Variants in SNTG1 observed in about 807,000 individuals in gnomAD.
SNTG1 encodes gamma-1-syntrophin.
In SNTG1, 39 loss-of-function variants were observed where a neutral mutation model predicts 74.7. The ratio of observed to expected loss-of-function variants is 0.52; its 90% CI spans 0.40 to 0.68. The LOEUF is 0.68. Among genes scored for constraint, SNTG1 ranks in the 30% least tolerant of loss-of-function variants. The pLI, the probability that SNTG1 is intolerant of heterozygous loss-of-function variation, is 0.00. For missense variants in SNTG1, 685 were observed against 609.5 expected, an observed-to-expected ratio of 1.12 and a Z score of -1.30; for synonymous variants, 254 against 217.1, an observed-to-expected ratio of 1.17 and a Z score of -1.49.
intron 9 of SNTG1, among the ~76,000 whole-genome samples, chr8:50,517,740 C>A (rs1166683090): frequency 4.6e-5 from 7 of 151,548 alleles, no homozygotes. Context: ...AGGATCAATG[C>A]AACAAGAAGA....
chr8:50,796,241 T>C lies in SNTG1; in HGVS notation c.*3412T>C, dbSNP rs1473734546. On this transcript the variant is annotated 3_prime_UTR_variant, in exon 19 of 19. Transcript: ENST00000642720. ...AGAAGCTTTAAAAGCACAAGGATGA[T>C]CTTGTGCTTAACTTTTTAAGGTAAG... is the stretch of plus-strand genomic sequence containing the variant. The C allele has an allele frequency of 9.9e-5, 15 of 152,062 alleles. No individual in the cohort carries two copies. Among genetic ancestry groups the C allele is most frequent in the Admixed American group, 9.8e-4 (15 of 15,258 alleles). The allele number at this position is 152,062 out of a possible 1,614,324, so 9.4% of individuals were successfully genotyped here. A position where few individuals can be genotyped will look rare whatever the true frequency, so the allele number is the denominator to read the frequency against.
chr8:49,919,946 T>G (rs1210025617), intron 1 of SNTG1, among the ~76,000 whole-genome samples: 1 of 152,100 alleles, frequency 6.6e-6, no homozygotes, highest in Non-Finnish European at 1.5e-5. Context: ...AGTAATACAA[T>G]AGCGCACACT....
intron 13 of SNTG1, among the ~76,000 whole-genome samples, chr8:50,655,804 C>G (rs2095176632): frequency 1.3e-5 from 2 of 152,106 alleles, no homozygotes; most frequent in African/African-American, 2.4e-5. Context: ...CAAACCATCC[C>G]CTTACTAGCT....
intron 1 of SNTG1, among the ~76,000 whole-genome samples, chr8:50,056,410 ATTTCT>A (rs1820027540): frequency 6.6e-6 from 1 of 152,092 alleles, no homozygotes; most frequent in South Asian, 2.1e-4. Context: ...CTATGGAAAC[ATTTCT>A]TTTATTTTTT....
chr8:50,674,689 T>A (rs1454099841), intron 15 of SNTG1, among the ~76,000 whole-genome samples: 1 of 152,144 alleles, frequency 6.6e-6, no homozygotes, highest in African/African-American at 2.4e-5. Flanking sequence ...ACCTGAGTTA[T>A]TTCTTGTCTT....
intron 11 of SNTG1, among the ~76,000 whole-genome samples, chr8:50,543,128 C>T (rs1318063855): frequency 6.6e-6 from 1 of 152,078 alleles, no homozygotes; most frequent in African/African-American, 2.4e-5. Flanking sequence ...GTGCTTTTGA[C>T]GTCTTACAGA....
intron 12 of SNTG1, among the ~76,000 whole-genome samples, chr8:50,585,694 T>G (rs1264084633): frequency 6.6e-6 from 1 of 152,188 alleles, no homozygotes; most frequent in East Asian, 1.9e-4. Flanking sequence ...ATTTATTTTT[T>G]AATATTTGAC....
chr8:50,532,338 C>T (rs192502832), intron 10 of SNTG1, among the ~76,000 whole-genome samples: 1 of 152,318 alleles, frequency 6.6e-6, no homozygotes, highest in East Asian at 1.9e-4. Context: ...AAATACCCCT[C>T]TAGCTATTTT....
chr8:50,547,443 C>T (rs943997807), intron 11 of SNTG1, among the ~76,000 whole-genome samples: 3 of 152,114 alleles, frequency 2.0e-5, no homozygotes, highest in African/African-American at 7.2e-5. Context: ...ATATATGAAT[C>T]TCTTTGGAAA....
chr8:50,211,679 G>T (rs1253662915), intron 2 of SNTG1, among the ~76,000 whole-genome samples: 1 of 151,988 alleles, frequency 6.6e-6, no homozygotes, highest in Non-Finnish European at 1.5e-5. Context: ...AAGATTCCAC[G>T]TCTTATTTTT....
At chr8:49,944,781 T>C (rs1344654433) in intron 1 of SNTG1, among the ~76,000 whole-genome samples, 1 of 146,932 alleles carries the variant, frequency 6.8e-6, no homozygotes, top group East Asian at 2.0e-4. Flanking sequence ...AATGAATTCA[T>C]CACCTGCAAG....
At chr8:50,532,393 G>A (rs2094275934) in intron 10 of SNTG1, among the ~76,000 whole-genome samples, 1 of 152,132 alleles carries the variant, frequency 6.6e-6, no homozygotes, top group South Asian at 2.1e-4. Context: ...AAAAAATTAA[G>A]ATCCAGATCT....
At chr8:50,030,707 G>T (rs966461933) in intron 1 of SNTG1, among the ~76,000 whole-genome samples, 2 of 151,684 alleles carry the variant, frequency 1.3e-5, no homozygotes, top group African/African-American at 4.8e-5. Context: ...TTGATCTATT[G>T]TCAATGCCTC....
intron 13 of SNTG1, among the ~76,000 whole-genome samples, chr8:50,634,583 A>AT (rs1473369416): frequency 3.3e-5 from 5 of 152,202 alleles, no homozygotes; most frequent in Admixed American, 6.5e-5. Flanking sequence ...CAGTGGCATC[A>AT]TTTTTCAAAA....
At position 50,285,418 on chromosome 8, in the gene SNTG1, C is replaced by T. The variant is rs149416037; in HGVS notation, c.-27-108794C>T. Among the ~76,000 whole-genome samples the T allele has an allele frequency of 2.0e-5, 3 of 152,176 alleles. No homozygotes were observed. In the East Asian group the frequency reaches 5.8e-4, roughly 29 times the overall value. On this transcript the variant is annotated intron_variant, in intron 2 of 18. Coordinates refer to ENST00000642720, the MANE Select transcript of SNTG1 (RefSeq NM_018967.5). Reference sequence around the variant, plus strand: ...CCATGATCATGCAACTGCACTCCAGCCTGTGAGACAGAGTGAGACACGGTC... The same window carrying T: ...CCATGATCATGCAACTGCACTCCAGTCTGTGAGACAGAGTGAGACACGGTC...
At chr8:50,340,546 A>G (rs922460295) in intron 2 of SNTG1, among the ~76,000 whole-genome samples, 1 of 152,006 alleles carries the variant, frequency 6.6e-6, no homozygotes, top group Non-Finnish European at 1.5e-5. Context: ...TACATTTCTT[A>G]CAATCCTCAC....
At position 49,938,592 on chromosome 8, in the gene SNTG1, C is replaced by CTTTTTTCTTTT. The variant is rs1244932981; in HGVS notation, c.-103+26365_-103+26366insTTCTTTTTTTT. Among the ~76,000 whole-genome samples the CTTTTTTCTTTT allele has an allele frequency of 1.1e-4, 2 of 18,102 alleles. 1 individual carries two copies. Among genetic ancestry groups the CTTTTTTCTTTT allele is most frequent in the Non-Finnish European group, 2.9e-4 (2 of 6,796 alleles). The allele number at this position is 18,102 out of a possible 152,430, so 11.9% of individuals were successfully genotyped here. A position where few individuals can be genotyped will look rare whatever the true frequency, so the allele number is the denominator to read the frequency against. On this transcript the variant is annotated intron_variant, in intron 1 of 18. Coordinates refer to ENST00000642720, the MANE Select transcript of SNTG1 (RefSeq NM_018967.5). ...CTTTTCTTTTCTTTTCTTTTCTTTT[C>CTTTTTTCTTTT]TTTTCTTTTCTTTTCTTTCTTTCTT...
intron 1 of SNTG1, among the ~76,000 whole-genome samples, chr8:50,059,661 G>T (rs1157890790): frequency 6.6e-6 from 1 of 152,016 alleles, no homozygotes; most frequent in African/African-American, 2.4e-5. Flanking sequence ...CCATTTCGTA[G>T]TGTGTATCAC....
chr8:50,363,911 A>G (rs2092034792), intron 2 of SNTG1, among the ~76,000 whole-genome samples: 1 of 152,136 alleles, frequency 6.6e-6, no homozygotes, highest in Non-Finnish European at 1.5e-5. Flanking sequence ...TTACTGGCTT[A>G]ACATAAAAGG....
Sources: allele counts gnomAD v4.1 joint callset (sites outside exome capture counted in the v4.1 genomes callset), GRCh38; gene constraint gnomAD v4.1.1; transcripts MANE v1.5; gene names NCBI Gene and HGNC (gene_info 2026-07-23, HGNC 2026-07-21).